RAPGEF5: variants seen among roughly 807,000 people sequenced by gnomAD.
The protein encoded by RAPGEF5 is M-Ras-regulated GEF.
A neutral mutation model predicts 125.2 loss-of-function variants in RAPGEF5; 65 were observed. That is an observed-to-expected ratio of 0.52 (90% CI 0.43 to 0.64). The LOEUF is 0.64. RAPGEF5 is among the 30% of genes least tolerant of loss of function. The pLI is 0.00. For missense variants in RAPGEF5, 958 were observed against 1,048.1 expected (o/e 0.91, Z 1.19); for synonymous variants, 391 against 385.9 (o/e 1.01, Z -0.16).
intron 2 of RAPGEF5, 75 bp downstream of exon 2, chr7:22,317,912 G>A: frequency 6.5e-7 from 1 of 1,535,540 alleles, no homozygotes; most frequent in Non-Finnish European, 8.8e-7. Flanking sequence ...GGGAACAACT[G>A]TAACTTGATA....
chr7:22,289,356 C>T (rs1340104198), intron 6 of RAPGEF5, among the ~76,000 whole-genome samples: 23 of 152,200 alleles, frequency 1.5e-4, no homozygotes, highest in Admixed American at 1.5e-3. Context: ...TGAGTTCTGA[C>T]TCTTGTTTTG....
At chr7:22,225,023 T>G (rs912324903) in intron 8 of RAPGEF5, among the ~76,000 whole-genome samples, 1 of 152,202 alleles carries the variant, frequency 6.6e-6, no homozygotes, top group African/African-American at 2.4e-5. Context: ...CCAAGTGCAG[T>G]GGCACACGCT....
chr7:22,277,419 C>T (rs1782581849), intron 6 of RAPGEF5, among the ~76,000 whole-genome samples: 1 of 152,148 alleles, frequency 6.6e-6, no homozygotes, highest in South Asian at 2.1e-4. Flanking sequence ...AATTATCACC[C>T]ATTTTACTGC....
At chr7:22,304,883 G>C (rs7779510) in intron 5 of RAPGEF5, among the ~76,000 whole-genome samples, 44,687 of 152,092 alleles carry the variant, frequency 0.29, 7,017 homozygotes, top group African/African-American at 0.4. Flanking sequence ...TTCCTAGAGT[G>C]AGACCAATTG....
chr7:22,193,908 C>T lies in RAPGEF5; in HGVS notation c.1115+7G>A. The T allele has an allele frequency of 3.7e-6, 6 of 1,613,252 alleles. No homozygotes were observed. The highest frequency in any genetic ancestry group is 4.2e-6 in the Non-Finnish European group (5 of 1,179,580). On this transcript the variant is annotated splice_region_variant and intron_variant, in intron 10 of 25. Transcript: ENST00000665637. ...GCGTGCCTCTGTGGCTGCAGGGAAA[C>T]TCTCACCTCCAATGGCTCTCCGCAC...
intron 11 of RAPGEF5, among the ~76,000 whole-genome samples, chr7:22,186,558 A>C (rs918063368): frequency 6.6e-6 from 1 of 152,224 alleles, no homozygotes; most frequent in Admixed American, 6.5e-5. Flanking sequence ...CTCCAATAGA[A>C]TATAAGCCTT....
At chr7:22,204,441 C>T (rs748349529) in intron 9 of RAPGEF5, among the ~76,000 whole-genome samples, 13 of 152,124 alleles carry the variant, frequency 8.5e-5, no homozygotes, top group Admixed American at 1.3e-4. Context: ...CATGTGTGTA[C>T]GTGAGGAAAT....
At chr7:22,331,541 C>T (rs752562516) in intron 1 of RAPGEF5, among the ~76,000 whole-genome samples, 15 of 151,878 alleles carry the variant, frequency 9.9e-5, no homozygotes, top group African/African-American at 3.4e-4. Context: ...GTCAGGAGAT[C>T]GAGACCATCC....
chr7:22,339,740 CATTT>C (rs1220718467), intron 1 of RAPGEF5, among the ~76,000 whole-genome samples: 1 of 152,202 alleles, frequency 6.6e-6, no homozygotes, highest in East Asian at 1.9e-4. Flanking sequence ...GAAGCTTCTA[CATTT>C]ATTACAATCA....
At chr7:22,239,917 G>GT (rs556818073) in intron 7 of RAPGEF5, among the ~76,000 whole-genome samples, 33 of 150,900 alleles carry the variant, frequency 2.2e-4, no homozygotes, top group Admixed American at 1.1e-3. Flanking sequence ...TGGAAAAAAG[G>GT]TTTTTTTTTG....
At position 22,119,027 on chromosome 7, in the gene RAPGEF5, CA is replaced by C. The variant is rs1243298520; in HGVS notation, c.*3378del. The C allele has an allele frequency of 6.6e-6, 1 of 152,168 alleles. No homozygotes were observed. Among genetic ancestry groups the C allele is most frequent in the Non-Finnish European group, 1.5e-5 (1 of 68,038 alleles). 9.4% of individuals were successfully genotyped at this position (152,168 alleles called of 1,614,324 possible). A position where few individuals can be genotyped will look rare whatever the true frequency, so the allele number is the denominator to read the frequency against. On this transcript the variant is annotated 3_prime_UTR_variant, in exon 26 of 26. Coordinates refer to ENST00000665637, the MANE Select transcript of RAPGEF5 (RefSeq NM_012294.5). This position sits in a 1 kb window ranked among gnomAD's most constrained non-coding sequence, Gnocchi z 4.1. ...CCACTGCGGAAGACCCGATCGTCCC[CA>C]TTTTAATGTTTTTGCCCAGTTTCTG...
intron 6 of RAPGEF5, among the ~76,000 whole-genome samples, chr7:22,284,796 G>T (rs1262857165): frequency 6.6e-6 from 1 of 152,070 alleles, no homozygotes; most frequent in Non-Finnish European, 1.5e-5. Context: ...GGAAGAAAAA[G>T]GCAGATAGCC....
In RAPGEF5 at chr7:22,144,940, A is replaced by AT. The variant is rs1424024786; in HGVS notation, c.2186+103_2186+104insA. ...ATTTAGTCATTTAACTCCATATTAC[A>AT]CGTTTATATCCCAACCCTTATCATC... On this transcript the variant is annotated intron_variant, in intron 20 of 25. Transcript: ENST00000665637. 5.4e-6 allele frequency: 7 copies of AT among 1,303,370 alleles called. No individual in the cohort carries two copies. The African/African-American group carries it at 7.4e-5, about 14-fold the overall frequency. 80.7% of individuals were successfully genotyped at this position (1,303,370 alleles called of 1,614,324 possible). A position where few individuals can be genotyped will look rare whatever the true frequency, so the allele number is the denominator to read the frequency against.
chr7:22,143,871 G>A (rs1018483092), intron 20 of RAPGEF5, among the ~76,000 whole-genome samples: 1 of 152,212 alleles, frequency 6.6e-6, no homozygotes, highest in Non-Finnish European at 1.5e-5. Context: ...CCTCACAAAG[G>A]CAGGAACTGG....
chr7:22,248,313 T>C (rs749721746), intron 7 of RAPGEF5, among the ~76,000 whole-genome samples: 6 of 152,178 alleles, frequency 3.9e-5, no homozygotes, highest in Admixed American at 6.5e-5. Flanking sequence ...AGGCCTGTTA[T>C]AAACAAAACA....
rs1404554904 is a variant in RAPGEF5, at chr7:22,193,976, G to A, written c.1054C>T (p.Leu352=). Reference sequence around the variant, plus strand: ...GGGCCACAGCACTGCACTTTCTTCAGCACCAGGACGCTCTGGTCTTGCTCT... The same window carrying A: ...GGGCCACAGCACTGCACTTTCTTCAACACCAGGACGCTCTGGTCTTGCTCT... The part of the protein sequence containing the change: ...VKEQDQSVLV[L]KKVQCCGPAP... Residue 352 remains leucine (L), a synonymous_variant, in exon 10 of 26, where the codon CTG becomes TTG. Coordinates refer to ENST00000665637, the MANE Select transcript of RAPGEF5 (RefSeq NM_012294.5). 3.7e-6 allele frequency: 6 copies of A among 1,613,784 alleles called. No individual in the cohort carries two copies. The African/African-American group carries it at 4.0e-5, about 11-fold the overall frequency.
chr7:22,316,131 G>C (rs1461681196), intron 2 of RAPGEF5, among the ~76,000 whole-genome samples: 1 of 151,904 alleles, frequency 6.6e-6, no homozygotes, highest in Non-Finnish European at 1.5e-5. Context: ...ATGAAGAAGG[G>C]TAGTTCTTAG....
intron 9 of RAPGEF5, among the ~76,000 whole-genome samples, chr7:22,216,280 C>T (rs960849953): frequency 3.3e-5 from 5 of 152,182 alleles, no homozygotes; most frequent in Non-Finnish European, 7.3e-5. Context: ...CACTTCCCTT[C>T]TTTGATGGCT....
At chr7:22,156,095 A>G (rs1452845039) in intron 16 of RAPGEF5, among the ~76,000 whole-genome samples, 2 of 152,254 alleles carry the variant, frequency 1.3e-5, no homozygotes, top group Non-Finnish European at 2.9e-5. Flanking sequence ...TTCTTTTACA[A>G]GTTCCAGAAA....
Sources: gnomAD v4.1 joint callset for allele counts (sites outside exome capture counted in the v4.1 genomes callset) on GRCh38, gnomAD v4.1.1 for gene constraint, Gnocchi (gnomAD v3.1) non-coding constraint, MANE v1.5 for transcripts, NCBI Gene and HGNC (gene_info 2026-07-23, HGNC 2026-07-21) for gene names.